The following DIP2B variants were observed in gnomAD, a reference collection of about 807,000 sequenced individuals.
DIP2B encodes disco-interacting protein 2 homolog B.
Under a neutral mutation model 198.0 loss-of-function variants are expected in DIP2B, and 76 were observed. That is an observed-to-expected ratio of 0.38 (90% CI 0.32 to 0.46). The LOEUF is 0.46. Among genes scored for constraint, DIP2B ranks in the 20% least tolerant of loss-of-function variants. The pLI, the probability that DIP2B is intolerant of heterozygous loss-of-function variation, is 0.99. For synonymous variants in DIP2B, 701 were observed against 739.1 expected (o/e 0.95, Z 0.84); for missense variants, 1,559 against 1,978.4 (o/e 0.79, Z 4.02).
chr12:50,622,001 C>T (rs1386643178), intron 1 of DIP2B, among the ~76,000 whole-genome samples: 1 of 152,156 alleles, frequency 6.6e-6, no homozygotes, highest in African/African-American at 2.4e-5. Context: ...CGATCATTTA[C>T]TGACATTGCC....
intron 23 of DIP2B, among the ~76,000 whole-genome samples, chr12:50,717,192 C>G (rs1261366919): frequency 2.0e-5 from 3 of 151,320 alleles, no homozygotes. Flanking sequence ...TGATCTGCCC[C>G]CCTCTGCCTC....
In DIP2B at chr12:50,727,685, T is replaced by G; in HGVS notation, c.3401-18T>G. 1 of 1,608,350 alleles carries G rather than the reference T, an allele frequency of 6.2e-7. No homozygotes were observed. Among genetic ancestry groups the G allele is most frequent in the Middle Eastern group, 1.7e-4 (1 of 6,056 alleles). ...CCAGCATGTTGGATTGACATCAGGT[T>G]TTTTCTTTTCATGGCAGATGATTTA... On this transcript the variant is annotated intron_variant, in intron 28 of 37. Transcript: ENST00000301180.
chr12:50,693,058 GAT>G, intron 14 of DIP2B, 45 bp downstream of exon 14: 1 of 1,552,708 alleles, frequency 6.4e-7, no homozygotes, highest in Non-Finnish European at 8.8e-7. Flanking sequence ...TTGTGCTTGA[GAT>G]AAGGCCAGCA....
intron 22 of DIP2B, among the ~76,000 whole-genome samples, chr12:50,713,054 C>A (rs1939648529): frequency 6.6e-6 from 1 of 152,162 alleles, no homozygotes; most frequent in Non-Finnish European, 1.5e-5. Context: ...GGTCGGCTTA[C>A]TTCTATAAAC....
At chr12:50,603,887 A>G (rs1387673652) in intron 1 of DIP2B, among the ~76,000 whole-genome samples, 1 of 152,146 alleles carries the variant, frequency 6.6e-6, no homozygotes. Context: ...TTTTCTGCTG[A>G]AGTTCTTTTT....
At chr12:50,661,951 C>T (rs1007638934) in intron 4 of DIP2B, among the ~76,000 whole-genome samples, 3 of 152,114 alleles carry the variant, frequency 2.0e-5, no homozygotes, top group Non-Finnish European at 4.4e-5. Flanking sequence ...CTTTTTTATC[C>T]GCTTTTACAA....
chr12:50,677,975 G>A (rs940752802), intron 7 of DIP2B, among the ~76,000 whole-genome samples: 1 of 151,620 alleles, frequency 6.6e-6, no homozygotes, highest in Non-Finnish European at 1.5e-5. Context: ...GAGCACTAAG[G>A]AAGCAGTAGT....
In DIP2B at chr12:50,697,066, G is replaced by T; in HGVS notation, c.1939G>T (p.Val647Leu). 6.2e-7 allele frequency: 1 copy of T among 1,613,736 alleles called. No homozygotes were observed. Among genetic ancestry groups the T allele is most frequent in the Non-Finnish European group, 8.5e-7 (1 of 1,179,746 alleles). ...IVTDGANPWSVSSCDAFLSLF... is the reference protein window; with the variant it reads ...IVTDGANPWSLSSCDAFLSLF... ...GATCTGTTCCAACTCCTTAGGGTCC[G>T]TGTCATCCTGTGATGCCTTCCTGAG... Residue 647 changes from valine (V) to leucine (L), a missense_variant, in exon 17 of 38, where the codon GTG becomes TTG. By Grantham distance (32) the Val-to-Leu change is conservative. Transcript: ENST00000301180.
chr12:50,658,959 T>C (rs1357643129), intron 3 of DIP2B, among the ~76,000 whole-genome samples: 4 of 152,120 alleles, frequency 2.6e-5, no homozygotes, highest in Non-Finnish European at 1.5e-5. Context: ...TGGTGGCGTG[T>C]ACCTGTAGTC....
rs562450768 is a variant in DIP2B, at chr12:50,549,605, A to G, written c.100+44365A>G. 2.5e-4 allele frequency among the ~76,000 whole-genome samples: 38 copies of G among 150,198 alleles called. No individual in the cohort carries two copies. In the South Asian group the frequency reaches 8.0e-3, roughly 32 times the overall value. ...TCCCAGCTACTTGGGAGGCTGAGGC[A>G]GGAAAATCACTTGAACCTGGGAGGC... On this transcript the variant is annotated intron_variant, in intron 1 of 37. Transcript: ENST00000301180.
In DIP2B at chr12:50,674,464, C is replaced by T. The variant is rs745401940; in HGVS notation, c.641-10C>T. On this transcript the variant is annotated splice_polypyrimidine_tract_variant and intron_variant, in intron 5 of 37. Coordinates refer to ENST00000301180, the MANE Select transcript of DIP2B (RefSeq NM_173602.3). ...CTAATATAATTCTAAACTTTGTTTT[C>T]TCCTCTCAGAGAATTTCTCTGCTCC... 1.2e-6 allele frequency: 2 copies of T among 1,614,096 alleles called. No homozygotes were observed. The highest frequency in any genetic ancestry group is 1.7e-6 in the Non-Finnish European group (2 of 1,179,974).
chr12:50,633,798 C>T (rs796573683), intron 2 of DIP2B, among the ~76,000 whole-genome samples: 7 of 152,158 alleles, frequency 4.6e-5, no homozygotes, highest in African/African-American at 1.4e-4. Flanking sequence ...AATTCAGTAG[C>T]ATCATAGGGA....
intron 1 of DIP2B, among the ~76,000 whole-genome samples, chr12:50,538,850 T>G (rs778896259): frequency 3.3e-5 from 5 of 152,184 alleles, no homozygotes; most frequent in Non-Finnish European, 7.3e-5. Context: ...ATTACCAAAC[T>G]GCTTCAAAGA....
intron 2 of DIP2B, among the ~76,000 whole-genome samples, chr12:50,636,414 C>T (rs992370996): frequency 6.6e-6 from 1 of 152,198 alleles, no homozygotes; most frequent in Admixed American, 6.5e-5. Flanking sequence ...ATTGGAATCA[C>T]TATGAATTGG....
intron 1 of DIP2B, among the ~76,000 whole-genome samples, chr12:50,509,418 A>G (rs897461610): frequency 5.3e-5 from 8 of 152,236 alleles, no homozygotes; most frequent in African/African-American, 1.9e-4. Context: ...GTCTGAGAAC[A>G]GTCCAAAGAT....
chr12:50,660,612 A>G (rs922707103), intron 4 of DIP2B, among the ~76,000 whole-genome samples: 7 of 152,072 alleles, frequency 4.6e-5, no homozygotes, highest in Non-Finnish European at 8.8e-5. Flanking sequence ...AATACAGGCC[A>G]AAGCTTAGGC....
intron 1 of DIP2B, among the ~76,000 whole-genome samples, chr12:50,609,353 T>C (rs1959011860): frequency 6.6e-6 from 1 of 152,234 alleles, no homozygotes; most frequent in South Asian, 2.1e-4. Context: ...TAAGTACATG[T>C]AGTGAAGACC....
At chr12:50,555,331 T>C (rs1299761532) in intron 1 of DIP2B, among the ~76,000 whole-genome samples, 1 of 152,178 alleles carries the variant, frequency 6.6e-6, no homozygotes, top group African/African-American at 2.4e-5. Context: ...ATTTTCATAG[T>C]GTAAGTCTCT....
chr12:50,639,243 G>A (rs531505579), intron 2 of DIP2B, among the ~76,000 whole-genome samples: 6 of 151,910 alleles, frequency 3.9e-5, no homozygotes, highest in Non-Finnish European at 8.8e-5. Context: ...GCGTGAATTT[G>A]GGCAGGGCTA....
Sources: allele counts gnomAD v4.1 joint callset (sites outside exome capture counted in the v4.1 genomes callset), GRCh38; gene constraint gnomAD v4.1.1; transcripts MANE v1.5; gene names NCBI Gene and HGNC (gene_info 2026-07-23, HGNC 2026-07-21).